The following NTSR1 variants were observed in gnomAD, a reference collection of about 807,000 sequenced individuals.
NTSR1 encodes the protein neurotensin receptor type 1.
NTSR1 carries 29 observed loss-of-function variants against 31.2 expected under a neutral mutation model. The ratio of observed to expected loss-of-function variants is 0.93; its 90% CI spans 0.69 to 1.27. The LOEUF is 1.27. Among genes scored for constraint, NTSR1 ranks in the 50% most tolerant of loss-of-function variants. NTSR1 has a pLI of 0.00. For missense variants in NTSR1, 697 were observed against 595.4 expected (o/e 1.17, Z -1.78); for synonymous variants, 282 against 269.9 (o/e 1.04, Z -0.44).
intron 1 of NTSR1, among the ~76,000 whole-genome samples, chr20:62,752,805 G>C (rs1989416731): frequency 6.6e-6 from 1 of 152,168 alleles, no homozygotes; most frequent in Non-Finnish European, 1.5e-5. Flanking sequence ...AGCCGGAGTG[G>C]GAAGAGGGAG....
At chr20:62,738,217 G>A (rs1478710957) in intron 1 of NTSR1, among the ~76,000 whole-genome samples, 1 of 152,160 alleles carries the variant, frequency 6.6e-6, no homozygotes, top group Non-Finnish European at 1.5e-5. Flanking sequence ...GAACCCAGGT[G>A]CACGCAGAGG....
At position 62,720,924 on chromosome 20, in the gene NTSR1, A is replaced by T. The variant is rs572050015; in HGVS notation, c.714+11003A>T. ...TACAAATGTGTTGTTTAGTTTCCAA[A>T]TGTTTGGGATTTTCCAGATATTACT... On this transcript the variant is annotated intron_variant, in intron 1 of 3. Transcript: ENST00000370501. Among the ~76,000 whole-genome samples the T allele has an allele frequency of 2.6e-5, 4 of 152,168 alleles. 1 individual carries two copies. Among genetic ancestry groups the T allele is most frequent in the African/African-American group, 9.6e-5 (4 of 41,522 alleles).
intron 2 of NTSR1, among the ~76,000 whole-genome samples, chr20:62,755,265 A>ATCCATCCCTCTCTCCCTCCT (rs1989469346): frequency 1.2e-5 from 1 of 83,886 alleles, no homozygotes; most frequent in African/African-American, 4.9e-5. Flanking sequence ...CTCTCCCTCC[A>ATCCATCCCTCTCTCCCTCCT]TCCATCCCTC....
rs112730455 is a variant in NTSR1, at chr20:62,709,115, C to G, written c.-93C>G. ...TCGCCACGCGCCCTCCCCTGGGCTCCCGTTCATCGGTCCCCGCCTGAGACG... is the reference window on the plus strand; with the variant it reads ...TCGCCACGCGCCCTCCCCTGGGCTCGCGTTCATCGGTCCCCGCCTGAGACG... On this transcript the variant is annotated 5_prime_UTR_variant, in exon 1 of 4. Transcript: ENST00000370501. The G allele has an allele frequency of 0.038, 40,636 of 1,071,462 alleles. 924 individuals are homozygous for G. The highest frequency in any genetic ancestry group is 0.099 in the South Asian group (4,503 of 45,652). The allele number at this position is 1,071,462 out of a possible 1,614,324, so 66.4% of individuals were successfully genotyped here.
In NTSR1 at chr20:62,738,528, G is replaced by A. The variant is rs563857609; in HGVS notation, c.715-16157G>A. ...CAGCGAAGTATCATGAAAATCTCCC[G>A]GCGAGCCTATGAGCCGTACATTTGT... On this transcript the variant is annotated intron_variant, in intron 1 of 3. Coordinates refer to ENST00000370501, the MANE Select transcript of NTSR1 (RefSeq NM_002531.3). 5.3e-5 allele frequency among the ~76,000 whole-genome samples: 8 copies of A among 152,346 alleles called. No individual in the cohort carries two copies. The South Asian group carries it at 1.2e-3, about 24-fold the overall frequency.
chr20:62,742,229 G>A lies in NTSR1; in HGVS notation c.715-12456G>A, dbSNP rs1359379127. On this transcript the variant is annotated intron_variant, in intron 1 of 3. Coordinates refer to ENST00000370501, the MANE Select transcript of NTSR1 (RefSeq NM_002531.3). The surrounding 1 kb of genome is among the most constrained non-coding windows in gnomAD (Gnocchi z 7.1). ...GAGGTGGCTGACATGGCCCCTCCAG[G>A]TCACACGCCTGTTCTCTCTCCAGTC... Among the ~76,000 whole-genome samples, 1 of 149,360 alleles carries A rather than the reference G, an allele frequency of 6.7e-6. No individual in the cohort carries two copies. Among genetic ancestry groups the A allele is most frequent in the Admixed American group, 6.7e-5 (1 of 14,870 alleles).
chr20:62,721,513 C>T (rs1028246630), intron 1 of NTSR1, among the ~76,000 whole-genome samples: 7 of 152,314 alleles, frequency 4.6e-5, no homozygotes, highest in Admixed American at 1.3e-4. Flanking sequence ...ACTGTCTGTC[C>T]GTGGTGGTTC....
intron 1 of NTSR1, among the ~76,000 whole-genome samples, chr20:62,721,982 C>G (rs376078004): frequency 3.7e-4 from 57 of 152,266 alleles, no homozygotes; most frequent in African/African-American, 1.3e-3. Context: ...CTCACTTCCA[C>G]CTTGATGTCT....
rs565235033 is a variant in NTSR1 at position 62,726,128 on chromosome 20, C to T, written c.714+16207C>T. On this transcript the variant is annotated intron_variant, in intron 1 of 3. Transcript: ENST00000370501. Reference sequence around the variant, plus strand: ...GGTCACCGGCAGCTCCATTCCAGCCCGAGGGGTGAGCAGCCCTTCCGAACC... The same window carrying T: ...GGTCACCGGCAGCTCCATTCCAGCCTGAGGGGTGAGCAGCCCTTCCGAACC... 7.9e-5 allele frequency among the ~76,000 whole-genome samples: 12 copies of T among 152,270 alleles called. No individual in the cohort carries two copies. In the South Asian group the frequency reaches 1.9e-3, roughly 24 times the overall value.
chr20:62,731,095 T>A (rs114227744), intron 1 of NTSR1, among the ~76,000 whole-genome samples: 278 of 152,352 alleles, frequency 1.8e-3, no homozygotes, highest in African/African-American at 6.4e-3. Flanking sequence ...TTTTCTTTTT[T>A]GTTTTTGAGA....
In NTSR1 at chr20:62,754,841, G is replaced by C; in HGVS notation, c.871G>C (p.Glu291Gln). The C allele has an allele frequency of 6.2e-7, 1 of 1,607,436 alleles. No individual in the cohort carries two copies. The highest frequency in any genetic ancestry group is 8.5e-7 in the Non-Finnish European group (1 of 1,179,538). Residue 291 changes from glutamate to glutamine, a missense_variant, in exon 2 of 4, where the codon GAG becomes CAG. Glu to Gln is a conservative substitution (Grantham distance 29, BLOSUM62 2). Coordinates refer to ENST00000370501, the MANE Select transcript of NTSR1 (RefSeq NM_002531.3). The part of the protein sequence containing the change: ...GEHSTFSMAI[E>Q]PGRVQALRHG... Reference sequence around the variant, plus strand: ...GCACAGCACATTCAGCATGGCCATCGAGCCTGGCAGGGTCCAGGCCCTGCG... The same window carrying C: ...GCACAGCACATTCAGCATGGCCATCCAGCCTGGCAGGGTCCAGGCCCTGCG...
chr20:62,757,461 G>A (rs1362390559), intron 2 of NTSR1, among the ~76,000 whole-genome samples: 3 of 152,198 alleles, frequency 2.0e-5, no homozygotes, highest in African/African-American at 7.2e-5. Context: ...TTTGTAGTAA[G>A]TTTTGAAATC....
chr20:62,754,923 G>C, intron 2 of NTSR1, 37 bp downstream of exon 2: 1 of 1,540,026 alleles, frequency 6.5e-7, no homozygotes, highest in Non-Finnish European at 8.8e-7. Context: ...GCGGGAGGCA[G>C]GCCAGGGCTA....
rs769171286 is a variant in NTSR1, at chr20:62,760,097, C to T, written c.1087C>T (p.Leu363=). ...FYVSSTINPI[L]YNLVSANFRH... is the part of the protein sequence containing the mutation. ...CGTCAGCTCCACCATCAACCCCATC[C>T]TGTACAACCTCGTCTCTGCCAACTT... The change falls in exon 4 of 4, where the codon CTG becomes TTG. Residue 363 remains leucine, a synonymous_variant. Transcript: ENST00000370501. The T allele has an allele frequency of 6.2e-7, 1 of 1,614,182 alleles. No homozygotes were observed. Among genetic ancestry groups the T allele is most frequent in the Non-Finnish European group, 8.5e-7 (1 of 1,180,038 alleles).
chr20:62,709,867 C>A lies in NTSR1; in HGVS notation c.660C>A (p.Gly220=). Residue 220 remains glycine (G), a synonymous_variant, in exon 1 of 4, where the codon GGC becomes GGA. Coordinates refer to ENST00000370501, the MANE Select transcript of NTSR1 (RefSeq NM_002531.3). ...GCAGCGCCGACGGCCAGCACGCCGG[C>A]GGCCTGGTGTGCACCCCCACCATCC... ...QNRSADGQHA[G]GLVCTPTIHT... is the part of the protein sequence containing the mutation. 1 of 1,607,118 alleles carries A rather than the reference C, an allele frequency of 6.2e-7. No individual in the cohort carries two copies. The highest frequency in any genetic ancestry group is 8.5e-7 in the Non-Finnish European group (1 of 1,175,732).
At chr20:62,734,779 A>T (rs6010611) in intron 1 of NTSR1, among the ~76,000 whole-genome samples, 1 of 152,172 alleles carries the variant, frequency 6.6e-6, no homozygotes, top group African/African-American at 2.4e-5. Context: ...TACCGTTGCA[A>T]GTTGATATGA....
rs1988703431 is a variant in NTSR1 at position 62,715,740 on chromosome 20, C to A, written c.714+5819C>A. Among the ~76,000 whole-genome samples the A allele has an allele frequency of 6.6e-6, 1 of 152,202 alleles. No individual in the cohort carries two copies. The highest frequency in any genetic ancestry group is 2.4e-5 in the African/African-American group (1 of 41,446). On this transcript the variant is annotated intron_variant, in intron 1 of 3. Coordinates refer to ENST00000370501, the MANE Select transcript of NTSR1 (RefSeq NM_002531.3). This position sits in a 1 kb window ranked among gnomAD's most constrained non-coding sequence, Gnocchi z 4.7. Reference sequence around the variant, plus strand: ...CCTGCAGTTCTGTGGGTACTGAGGGCAGCAAGGGGGTACAGCCACCCTGTG... The same window carrying A: ...CCTGCAGTTCTGTGGGTACTGAGGGAAGCAAGGGGGTACAGCCACCCTGTG...
At chr20:62,720,640 A>G (rs1219587310) in intron 1 of NTSR1, among the ~76,000 whole-genome samples, 4 of 151,170 alleles carry the variant, frequency 2.6e-5, no homozygotes, top group Non-Finnish European at 1.5e-5. Flanking sequence ...TTTCAATTTT[A>G]TTTATTTATA....
At chr20:62,725,477 T>C (rs2427420) in intron 1 of NTSR1, among the ~76,000 whole-genome samples, 138,721 of 152,042 alleles carry the variant, frequency 0.91, 63,464 homozygotes, top group East Asian at 1. Context: ...CCCGCTGCCT[T>C]CCGGTCCCAT....
Sources: allele counts gnomAD v4.1 joint callset (sites outside exome capture counted in the v4.1 genomes callset), GRCh38; gene constraint gnomAD v4.1.1; non-coding constraint Gnocchi (gnomAD v3.1); transcripts MANE v1.5; gene names NCBI Gene and HGNC (gene_info 2026-07-23, HGNC 2026-07-21).